CDH2: variants seen among roughly 807,000 people sequenced by gnomAD.
The protein encoded by CDH2 is cadherin 2.
Under a neutral mutation model 92.0 loss-of-function variants are expected in CDH2, and 17 were observed. The observed-to-expected ratio is 0.18, with a 90% confidence interval of 0.13 to 0.28. CDH2 has a LOEUF of 0.28. CDH2 is among the 10% of genes least tolerant of loss of function. CDH2 has a pLI of 1.00. For missense variants in CDH2, 862 were observed against 1,133.1 expected, an observed-to-expected ratio of 0.76 and a Z score of 3.44; for synonymous variants, 419 against 415.9, an observed-to-expected ratio of 1.01 and a Z score of -0.09.
chr18:27,970,054 C>T (rs2143910030), intron 14 of CDH2, among the ~76,000 whole-genome samples: 2 of 151,632 alleles, frequency 1.3e-5, no homozygotes, highest in South Asian at 4.2e-4. Flanking sequence ...TTTAAAGTTA[C>T]AAAAAATACG....
Position 28,113,484 on chromosome 18 carries a change from A to AG in CDH2, c.172+34188_172+34189insC, listed in dbSNP as rs1381693885. Among the ~76,000 whole-genome samples, 4 of 143,258 alleles carry AG rather than the reference A, an allele frequency of 2.8e-5. No homozygotes were observed. In the East Asian group the frequency reaches 7.8e-4, roughly 28 times the overall value. The allele number at this position is 143,258 out of a possible 152,430, so 94.0% of individuals were successfully genotyped here. A position where few individuals can be genotyped will look rare whatever the true frequency, so the allele number is the denominator to read the frequency against. On this transcript the variant is annotated intron_variant, in intron 2 of 15. Transcript: ENST00000269141. ...GGTAAGCCAGCAAAAGGAAAAAAAA[A>AG]AAAAAGATGATGAAAAAAAGAAATA...
intron 2 of CDH2, among the ~76,000 whole-genome samples, chr18:28,118,304 C>T (rs1028737604): frequency 2.0e-5 from 3 of 152,026 alleles, no homozygotes; most frequent in African/African-American, 7.2e-5. Flanking sequence ...GCTGATTTTG[C>T]CACAAATGCA....
chr18:28,102,437 T>C (rs1409517284), intron 2 of CDH2, among the ~76,000 whole-genome samples: 2 of 152,086 alleles, frequency 1.3e-5, no homozygotes, highest in Non-Finnish European at 2.9e-5. Flanking sequence ...GCAATCCTTA[T>C]CCATATCCTT....
Position 28,140,895 on chromosome 18 carries a change from G to GATAT in CDH2, c.172+6774_172+6777dup, listed in dbSNP as rs145033713. On this transcript the variant is annotated intron_variant, in intron 2 of 15. Transcript: ENST00000269141. ...TTTGAATAGACATTTCTCCAAACAA[G>GATAT]ATATATATATATATACCTATATATA... Among the ~76,000 whole-genome samples, 1,388 of 144,940 alleles carry GATAT rather than the reference G, an allele frequency of 9.6e-3. 22 individuals are homozygous for GATAT. Among genetic ancestry groups the GATAT allele is most frequent in the East Asian group, 0.076 (373 of 4,926 alleles).
At chr18:28,100,608 A>G (rs1021097512) in intron 2 of CDH2, among the ~76,000 whole-genome samples, 3 of 152,190 alleles carry the variant, frequency 2.0e-5, no homozygotes, top group Non-Finnish European at 4.4e-5. Context: ...ATACATGAGC[A>G]TGTCAGAGGA....
chr18:28,005,429 G>A (rs2012887572), intron 6 of CDH2, among the ~76,000 whole-genome samples: 1 of 152,162 alleles, frequency 6.6e-6, no homozygotes, highest in South Asian at 2.1e-4. Context: ...GGAACGTCAA[G>A]TATCTTTAAG....
chr18:28,095,807 C>CAAAAAAAAAAAAAAA (rs33981188), intron 2 of CDH2, among the ~76,000 whole-genome samples: 25 of 102,882 alleles, frequency 2.4e-4, no homozygotes, highest in Admixed American at 3.4e-4. Context: ...GCAACTCCAT[C>CAAAAAAAAAAAAAAA]AAAAAAAAAA....
At chr18:27,988,945 TATC>T (rs1335422794) in intron 10 of CDH2, among the ~76,000 whole-genome samples, 1 of 152,202 alleles carries the variant, frequency 6.6e-6, no homozygotes, top group Non-Finnish European at 1.5e-5. Flanking sequence ...ATTGGAAAGT[TATC>T]ATTTTAGGTT....
chr18:28,130,723 T>C lies in CDH2; in HGVS notation c.172+16950A>G, dbSNP rs146046890. 8.8e-3 allele frequency among the ~76,000 whole-genome samples: 1,342 copies of C among 152,296 alleles called. 7 individuals carry two copies. Among genetic ancestry groups the C allele is most frequent in the Non-Finnish European group, 0.015 (1,037 of 68,022 alleles). ...CCAGTGACTGAAGTTGAAAATTCTG[T>C]TACCTCCTTAGGGGCACAGAGGGCT... On this transcript the variant is annotated intron_variant, in intron 2 of 15. Transcript: ENST00000269141.
intron 15 of CDH2, among the ~76,000 whole-genome samples, chr18:27,953,710 T>C (rs1239962621): frequency 6.6e-6 from 1 of 152,146 alleles, no homozygotes; most frequent in Non-Finnish European, 1.5e-5. Flanking sequence ...GATGACACCT[T>C]AGCTCTCCCC....
rs145599899 is a variant in CDH2 at position 27,974,340 on chromosome 18, ATC to A, written c.2349+8602_2349+8603del. Among the ~76,000 whole-genome samples, 1,323 of 152,282 alleles carry A rather than the reference ATC, an allele frequency of 8.7e-3. 28 individuals carry two copies. The highest frequency in any genetic ancestry group is 0.03 in the African/African-American group (1,256 of 41,566). ...TGCTTGTCCTGCTTAAAGAGGGAAA[ATC>A]TCTGTTTAGTTCCCAACAACTGTCA... On this transcript the variant is annotated intron_variant, in intron 14 of 15. Coordinates refer to ENST00000269141, the MANE Select transcript of CDH2 (RefSeq NM_001792.5).
At chr18:28,104,679 T>C (rs919957891) in intron 2 of CDH2, among the ~76,000 whole-genome samples, 6 of 138,638 alleles carry the variant, frequency 4.3e-5, no homozygotes, top group Non-Finnish European at 9.2e-5. Flanking sequence ...AACATACATA[T>C]AGATGCAAAT....
chr18:28,070,036 C>G (rs17494297), intron 2 of CDH2, among the ~76,000 whole-genome samples: 4 of 152,058 alleles, frequency 2.6e-5, no homozygotes, highest in African/African-American at 9.7e-5. Flanking sequence ...CTAGGAAACA[C>G]GGCAACTAAC....
At chr18:28,172,813 C>G (rs1175508031) in intron 1 of CDH2, among the ~76,000 whole-genome samples, 1 of 152,056 alleles carries the variant, frequency 6.6e-6, no homozygotes, top group African/African-American at 2.4e-5. Context: ...GAACACAACA[C>G]TTCTTAAATA....
At position 28,176,837 on chromosome 18, in the gene CDH2, CGGCGCGGCGT is replaced by C. The variant is rs1251588461; in HGVS notation, c.60+116_60+125del. On this transcript the variant is annotated intron_variant, in intron 1 of 15. Transcript: ENST00000269141. ...CAGCTACCGGCCGCGCGGCGCGGCG[CGGCGCGGCGT>C]GGCACCTCCCTTCCCGGGTGCGCAG... The C allele has an allele frequency of 3.7e-5, 13 of 350,630 alleles. No individual in the cohort carries two copies. The Admixed American group carries it at 3.9e-4, about 11-fold the overall frequency. 21.7% of individuals were successfully genotyped at this position (350,630 alleles called of 1,614,324 possible). A position where few individuals can be genotyped will look rare whatever the true frequency, so the allele number is the denominator to read the frequency against.
At chr18:27,965,476 C>T (rs575840625) in intron 14 of CDH2, among the ~76,000 whole-genome samples, 9 of 152,304 alleles carry the variant, frequency 5.9e-5, no homozygotes, top group South Asian at 2.1e-4. Context: ...GGCGACAAAG[C>T]GCCATTTTGG....
intron 7 of CDH2, among the ~76,000 whole-genome samples, chr18:28,002,724 T>TA (rs1245611357): frequency 6.6e-6 from 1 of 152,198 alleles, no homozygotes; most frequent in Non-Finnish European, 1.5e-5. Context: ...GAGGAAATGT[T>TA]AAAAATTTTA....
intron 2 of CDH2, chr18:28,036,388 A>G: frequency 2.6e-6 from 2 of 768,640 alleles, no homozygotes; most frequent in South Asian, 2.8e-5. Context: ...CTTTGTACAT[A>G]AGTCTTCTCA....
chr18:27,957,133 CCCAT>C (rs6146242), intron 15 of CDH2, among the ~76,000 whole-genome samples: 3 of 151,350 alleles, frequency 2.0e-5, no homozygotes, highest in African/African-American at 4.9e-5. Flanking sequence ...ATCCATCCAT[CCCAT>C]CCATCCATCC....
Sources: allele counts gnomAD v4.1 joint callset (sites outside exome capture counted in the v4.1 genomes callset), GRCh38; gene constraint gnomAD v4.1.1; transcripts MANE v1.5; gene names NCBI Gene and HGNC (gene_info 2026-07-23, HGNC 2026-07-21).